The following INO80 variants were observed in gnomAD, a reference collection of about 807,000 sequenced individuals.
The protein encoded by INO80 is INO80 complex ATPase subunit.
A neutral mutation model predicts 203.4 loss-of-function variants in INO80; 20 were observed. That is an observed-to-expected ratio of 0.10 (90% CI 0.07 to 0.14). The LOEUF is 0.14. Ranked by LOEUF, INO80 falls within the 10% of genes least tolerant of loss-of-function variation. The probability of loss-of-function intolerance (pLI) is 1.00; values close to 1 mark genes in which losing one functional copy is unlikely to be tolerated. For missense variants in INO80, 1,419 were observed against 1,914.4 expected, an observed-to-expected ratio of 0.74 and a Z score of 4.83; for synonymous variants, 726 against 685.2, an observed-to-expected ratio of 1.06 and a Z score of -0.93.
At chr15:41,069,510 A>C (rs757727143) in intron 14 of INO80, 60 bp downstream of exon 14, 7 of 1,009,252 alleles carry the variant, frequency 6.9e-6, no homozygotes, top group Admixed American at 2.3e-5. Flanking sequence ...GGGCAAGAAA[A>C]GGAGAGTCAA....
chr15:41,011,789 A>G (rs1566910203), intron 27 of INO80: 1 of 152,236 alleles, frequency 6.6e-6, no homozygotes, highest in Non-Finnish European at 1.5e-5. Context: ...ATGTCTGCTC[A>G]GGATAAATCT....
chr15:41,000,763 T>C (rs2043949871), intron 28 of INO80, among the ~76,000 whole-genome samples: 1 of 140,350 alleles, frequency 7.1e-6, no homozygotes, highest in South Asian at 2.3e-4. Flanking sequence ...AAAAGATGGG[T>C]AATTTCCATA....
chr15:41,003,329 C>CTTTTT lies in INO80; in HGVS notation c.3497+2263_3497+2264insAAAAA, dbSNP rs771356698. ...TGGGATTGTGGGTGATTTTTCTTTTCTTTTCTTTTTTTTTTTTTTGAGATG... is the reference window on the plus strand; with the variant it reads ...TGGGATTGTGGGTGATTTTTCTTTTCTTTTTTTTTCTTTTTTTTTTTTTTGAGATG... On this transcript the variant is annotated intron_variant, in intron 28 of 35. Coordinates refer to ENST00000648947, the MANE Select transcript of INO80 (RefSeq NM_017553.3). Among the ~76,000 whole-genome samples, 487 of 107,556 alleles carry CTTTTT rather than the reference C, an allele frequency of 4.5e-3. 106 individuals carry two copies. The highest frequency in any genetic ancestry group is 7.1e-3 in the East Asian group (23 of 3,242). The allele number at this position is 107,556 out of a possible 152,430, so 70.6% of individuals were successfully genotyped here.
At chr15:41,095,568 T>A (rs2045710435) in intron 4 of INO80, 33 bp downstream of exon 4, 11 of 1,482,348 alleles carry the variant, frequency 7.4e-6, no homozygotes, top group Non-Finnish European at 9.4e-6. Flanking sequence ...TAGTAGACTA[T>A]CTGCACTGTA....
At chr15:41,069,547 G>A (rs2045278894) in intron 14 of INO80, 23 bp downstream of exon 14, 2 of 1,325,544 alleles carry the variant, frequency 1.5e-6, no homozygotes, top group Non-Finnish European at 2.1e-6. Context: ...AGCAATAGAT[G>A]TTTTGGTTGG....
At chr15:41,000,706 C>CAAAAAAAAAA (rs58232890) in intron 28 of INO80, among the ~76,000 whole-genome samples, 14 of 56,772 alleles carry the variant, frequency 2.5e-4, no homozygotes, top group East Asian at 1.5e-3. Context: ...CACCCTGTCT[C>CAAAAAAAAAA]AAAAAAAAAA....
intron 24 of INO80, among the ~76,000 whole-genome samples, chr15:41,028,349 T>C (rs2044408781): frequency 6.6e-6 from 1 of 151,960 alleles, no homozygotes. Flanking sequence ...TTGGCCAGGC[T>C]GGTCTCGAAC....
At chr15:40,985,908 A>G (rs1198158515) in intron 31 of INO80, among the ~76,000 whole-genome samples, 1 of 151,992 alleles carries the variant, frequency 6.6e-6, no homozygotes, top group Non-Finnish European at 1.5e-5. Context: ...ACTCTGTCTA[A>G]AAAAAAATTA....
At chr15:41,084,657 C>T (rs2045532706) in intron 7 of INO80, among the ~76,000 whole-genome samples, 1 of 152,136 alleles carries the variant, frequency 6.6e-6, no homozygotes, top group South Asian at 2.1e-4. Flanking sequence ...ATTCTAGTGC[C>T]TGTGATTATC....
In INO80 at chr15:41,021,024, C is replaced by A. The variant is rs769871572; in HGVS notation, c.3150G>T (p.Leu1050Phe). ...EGGSLAAKQC[L>F]LNGAPELAAD... ...CAGCCAGTTCAGGGGCCCCATTCAACAAACACTGCTTGGCTGCCAGACTCC... is the reference window on the plus strand; with the variant it reads ...CAGCCAGTTCAGGGGCCCCATTCAAAAAACACTGCTTGGCTGCCAGACTCC... The change falls in exon 26 of 36, where the codon TTG becomes TTT. Residue 1050 changes from leucine (L) to phenylalanine (F), a missense_variant. By Grantham distance (22) the Leu-to-Phe change is conservative (BLOSUM62 0). Coordinates refer to ENST00000648947, the MANE Select transcript of INO80 (RefSeq NM_017553.3). The A allele has an allele frequency of 6.2e-7, 1 of 1,614,172 alleles. No homozygotes were observed. Among genetic ancestry groups the A allele is most frequent in the Non-Finnish European group, 8.5e-7 (1 of 1,180,004 alleles).
intron 11 of INO80, among the ~76,000 whole-genome samples, 156 bp from the exon 12 acceptor site, chr15:41,072,214 ACAT>A (rs2045332565): frequency 6.6e-6 from 1 of 152,126 alleles, no homozygotes; most frequent in South Asian, 2.1e-4. Flanking sequence ...GTATCATATG[ACAT>A]CATTTCTATA....
At chr15:41,031,527 AGGAGAAGGGAGGAAG>A (rs2044463442) in intron 24 of INO80, among the ~76,000 whole-genome samples, 1 of 17,120 alleles carries the variant, frequency 5.8e-5, no homozygotes, top group Non-Finnish European at 1.5e-4. Context: ...GAAGGGAGGA[AGGAGAAGGGAGGAAG>A]GGAGGAGGGA....
chr15:41,058,564 TGTGTGC>T lies in INO80; in HGVS notation c.1985+69_1985+74del, dbSNP rs1185776823. On this transcript the variant is annotated intron_variant, in intron 16 of 35. Transcript: ENST00000648947. ...ATATATACAAGTCTGTGTGTGTGTG[TGTGTGC>T]GTGTGTGTGTGTGTGTGTGTGTGTA... The T allele has an allele frequency of 2.2e-3, 2,381 of 1,060,080 alleles. 2 individuals carry two copies. Among genetic ancestry groups the T allele is most frequent in the Middle Eastern group, 3.0e-3 (13 of 4,306 alleles). The allele number at this position is 1,060,080 out of a possible 1,614,324, so 65.7% of individuals were successfully genotyped here. A position where few individuals can be genotyped will look rare whatever the true frequency, so the allele number is the denominator to read the frequency against.
intron 10 of INO80, among the ~76,000 whole-genome samples, chr15:41,073,929 C>T (rs1017511705): frequency 1.3e-5 from 2 of 152,178 alleles, no homozygotes; most frequent in Non-Finnish European, 2.9e-5. Context: ...TCTTAATCAG[C>T]ATTCTCCATG....
In INO80 at chr15:40,987,888, A is replaced by G. The variant is rs149450687; in HGVS notation, c.3657T>C (p.Val1219=). ...RAHRLGQTKQ[V]TVYRLICKGT... Reference sequence around the variant, plus strand: ...CTTTACAGATGAGCCGGTACACAGTAACCTGCTTTGTCTGCCCTAAGCGGT... The same window carrying G: ...CTTTACAGATGAGCCGGTACACAGTGACCTGCTTTGTCTGCCCTAAGCGGT... Residue 1219 remains valine (V), a synonymous_variant, in exon 30 of 36, where the codon GTT becomes GTC. Transcript: ENST00000648947. 47 of 1,614,012 alleles carry G rather than the reference A, an allele frequency of 2.9e-5. No homozygotes were observed. In the African/African-American group the frequency reaches 5.9e-4, roughly 20 times the overall value.
At chr15:40,987,331 C>T in intron 30 of INO80, 138 bp from the exon 31 acceptor site, 1 of 569,906 alleles carries the variant, frequency 1.8e-6, no homozygotes, top group South Asian at 2.4e-5. Flanking sequence ...TCTCCCTTTT[C>T]ATTTCAGTTC....
chr15:41,100,194 C>A (rs1430581145), intron 1 of INO80, among the ~76,000 whole-genome samples: 1 of 152,100 alleles, frequency 6.6e-6, no homozygotes, highest in Non-Finnish European at 1.5e-5. Flanking sequence ...CCTGCCTCAG[C>A]CTCCCGAGTA....
At chr15:41,066,301 C>T (rs2045212892) in intron 14 of INO80, among the ~76,000 whole-genome samples, 1 of 151,842 alleles carries the variant, frequency 6.6e-6, no homozygotes, top group African/African-American at 2.4e-5. Flanking sequence ...GCTTGGTCTG[C>T]AGGCATGCAC....
intron 26 of INO80, among the ~76,000 whole-genome samples, chr15:41,020,178 G>A (rs559414940): frequency 2.6e-5 from 4 of 152,074 alleles, no homozygotes; most frequent in Non-Finnish European, 5.9e-5. Context: ...CCGAGATCAC[G>A]CCACTGCACT....
Sources: allele counts gnomAD v4.1 joint callset (sites outside exome capture counted in the v4.1 genomes callset), GRCh38; gene constraint gnomAD v4.1.1; transcripts MANE v1.5; gene names NCBI Gene and HGNC (gene_info 2026-07-23, HGNC 2026-07-21).